GABBR2: variants seen among roughly 807,000 people sequenced by gnomAD.
GABBR2 encodes the protein gamma-aminobutyric acid type B receptor subunit 2.
GABBR2 carries 23 observed loss-of-function variants against 105.6 expected under a neutral mutation model. The ratio of observed to expected loss-of-function variants is 0.22; its 90% confidence interval spans 0.16 to 0.31. GABBR2 has a LOEUF of 0.31. Ranked by LOEUF, GABBR2 falls within the 10% of genes least tolerant of loss-of-function variation. The pLI is 1.00. For missense variants in GABBR2, 734 were observed against 1,245.5 expected, an observed-to-expected ratio of 0.59 and a Z score of 6.18; for synonymous variants, 478 against 499.7, an observed-to-expected ratio of 0.96 and a Z score of 0.58.
intron 13 of GABBR2, among the ~76,000 whole-genome samples, chr9:98,323,178 C>A (rs1830855249): frequency 6.6e-6 from 1 of 152,168 alleles, no homozygotes; most frequent in Admixed American, 6.5e-5. Context: ...TTCTCTAAAC[C>A]ACTAATCTAG....
chr9:98,315,460 C>T (rs547221071), intron 13 of GABBR2, among the ~76,000 whole-genome samples: 1 of 152,350 alleles, frequency 6.6e-6, no homozygotes, highest in East Asian at 1.9e-4. Context: ...GTTCCTGTTC[C>T]TGTGAGGCTG....
intron 7 of GABBR2, among the ~76,000 whole-genome samples, chr9:98,453,776 A>G (rs766632369): frequency 1.3e-5 from 2 of 152,216 alleles, no homozygotes; most frequent in Non-Finnish European, 2.9e-5. Flanking sequence ...CATGAGTCAC[A>G]GAGAAGCATT....
At chr9:98,341,036 G>C (rs75045368) in intron 13 of GABBR2, among the ~76,000 whole-genome samples, 5 of 152,234 alleles carry the variant, frequency 3.3e-5, no homozygotes, top group Admixed American at 2.0e-4. Context: ...TCCAGCTTCA[G>C]GGCTGGCCCT....
intron 17 of GABBR2, among the ~76,000 whole-genome samples, chr9:98,298,023 C>T (rs1473505257): frequency 7.3e-6 from 1 of 136,656 alleles, no homozygotes; most frequent in African/African-American, 2.9e-5. Flanking sequence ...GCCTGGGTGA[C>T]AGAGTGAGAC....
Position 98,586,247 on chromosome 9 carries a change from A to C in GABBR2, c.322-8175T>G, listed in dbSNP as rs115622163. On this transcript the variant is annotated intron_variant, in intron 1 of 18. Coordinates refer to ENST00000259455, the MANE Select transcript of GABBR2 (RefSeq NM_005458.8). ...TTACCCAGGGGGAGCCCCAGGCCTG[A>C]ATTTTGCATTTATCCTTCTTTTCTT... is the stretch of plus-strand genomic sequence containing the variant. Among the ~76,000 whole-genome samples, 760 of 150,254 alleles carry C rather than the reference A, an allele frequency of 5.1e-3. 10 individuals are homozygous for C. The highest frequency in any genetic ancestry group is 0.017 in the African/African-American group (712 of 40,952).
intron 13 of GABBR2, among the ~76,000 whole-genome samples, chr9:98,346,050 G>A (rs570131171): frequency 2.3e-4 from 35 of 152,316 alleles, no homozygotes; most frequent in Middle Eastern, 3.4e-3. Flanking sequence ...TAATCTTTTC[G>A]TTAGCGGAGG....
chr9:98,337,736 A>T (rs1452376439), intron 13 of GABBR2, among the ~76,000 whole-genome samples: 1 of 152,160 alleles, frequency 6.6e-6, no homozygotes, highest in South Asian at 2.1e-4. Flanking sequence ...TGGGGAAAGG[A>T]TATTCTTTTC....
intron 13 of GABBR2, among the ~76,000 whole-genome samples, chr9:98,340,620 A>T (rs1158252202): frequency 6.6e-6 from 1 of 152,124 alleles, no homozygotes; most frequent in African/African-American, 2.4e-5. Context: ...AGCTGGTAAC[A>T]CCACCCTTTA....
chr9:98,604,899 C>G (rs949221110), intron 1 of GABBR2, among the ~76,000 whole-genome samples: 1 of 152,206 alleles, frequency 6.6e-6, no homozygotes, highest in South Asian at 2.1e-4. Context: ...CCTCATCTCC[C>G]AGGAGTCAAT....
At chr9:98,391,954 T>C (rs1832188005) in intron 9 of GABBR2, among the ~76,000 whole-genome samples, 1 of 152,010 alleles carries the variant, frequency 6.6e-6, no homozygotes, top group Admixed American at 6.6e-5. Flanking sequence ...TGGGGGCTAG[T>C]GTAGGGGTCC....
At chr9:98,397,204 A>C (rs1011247545) in intron 8 of GABBR2, among the ~76,000 whole-genome samples, 1 of 152,188 alleles carries the variant, frequency 6.6e-6, no homozygotes, top group Non-Finnish European at 1.5e-5. Context: ...ATTTCATGAT[A>C]AAGCATCTCT....
At chr9:98,358,970 C>G (rs566576750) in intron 13 of GABBR2, among the ~76,000 whole-genome samples, 1 of 152,314 alleles carries the variant, frequency 6.6e-6, no homozygotes, top group African/African-American at 2.4e-5. Flanking sequence ...GTGACCTGGG[C>G]CAGTCACTGA....
At chr9:98,349,684 T>TG (rs1221460735) in intron 13 of GABBR2, among the ~76,000 whole-genome samples, 3 of 152,178 alleles carry the variant, frequency 2.0e-5, no homozygotes, top group African/African-American at 7.2e-5. Context: ...TTTAAATCTA[T>TG]GTTCATCAGG....
chr9:98,677,403 A>T (rs1185843878), intron 1 of GABBR2, among the ~76,000 whole-genome samples: 1 of 152,232 alleles, frequency 6.6e-6, no homozygotes, highest in Non-Finnish European at 1.5e-5. Context: ...ACAGGTTTAC[A>T]ACATCTTATA....
chr9:98,325,715 G>C (rs1450722307), intron 13 of GABBR2, among the ~76,000 whole-genome samples: 1 of 152,186 alleles, frequency 6.6e-6, no homozygotes, highest in Non-Finnish European at 1.5e-5. Flanking sequence ...CTGTTCACCT[G>C]GGGCTGTTCC....
chr9:98,388,660 T>TGTGTGTGTGTGTGTGC lies in GABBR2; in HGVS notation c.1529+193_1529+194insGCACACACACACACAC, dbSNP rs1053006846. Among the ~76,000 whole-genome samples the TGTGTGTGTGTGTGTGC allele has an allele frequency of 7.1e-6, 1 of 141,708 alleles. No homozygotes were observed. The highest frequency in any genetic ancestry group is 2.8e-5 in the African/African-American group (1 of 35,926). The allele number at this position is 141,708 out of a possible 152,430, so 93.0% of individuals were successfully genotyped here. The stretch of plus-strand genomic sequence containing the variant: ...GTGTGTGTGTGTGTGTGTGTGTGTG[T>TGTGTGTGTGTGTGTGC]GCGTGCACGCACACACACGTACTCA... On this transcript the variant is annotated intron_variant, in intron 10 of 18. Coordinates refer to ENST00000259455, the MANE Select transcript of GABBR2 (RefSeq NM_005458.8). The surrounding 1 kb of genome is among the most constrained non-coding windows in gnomAD (Gnocchi z 4.4).
chr9:98,336,814 T>TAAA (rs60984571), intron 13 of GABBR2, among the ~76,000 whole-genome samples: 10 of 151,682 alleles, frequency 6.6e-5, no homozygotes, highest in South Asian at 4.2e-4. Flanking sequence ...CAGAATGAAT[T>TAAA]AAAAAAAACA....
At chr9:98,628,130 C>T (rs1021507740) in intron 1 of GABBR2, among the ~76,000 whole-genome samples, 3 of 152,182 alleles carry the variant, frequency 2.0e-5, no homozygotes, top group African/African-American at 7.2e-5. Context: ...TAAGATACAA[C>T]AAGAATAACT....
intron 8 of GABBR2, among the ~76,000 whole-genome samples, chr9:98,400,029 A>AC (rs58852533): frequency 0.16 from 23,312 of 149,462 alleles, 2,542 homozygotes; most frequent in African/African-American, 0.3. Context: ...AAAAAAAAAA[A>AC]AAAAACCTAG....
Sources: allele counts gnomAD v4.1 joint callset (sites outside exome capture counted in the v4.1 genomes callset), GRCh38; gene constraint gnomAD v4.1.1; non-coding constraint Gnocchi (gnomAD v3.1); transcripts MANE v1.5; gene names NCBI Gene and HGNC (gene_info 2026-07-23, HGNC 2026-07-21).